HGSNAT: variants seen among roughly 807,000 people sequenced by gnomAD.
The protein encoded by HGSNAT is transmembrane protein 76.
In HGSNAT, 59 loss-of-function variants were observed where a neutral mutation model predicts 85.2. The ratio of observed to expected loss-of-function variants is 0.69; its 90% CI spans 0.56 to 0.86. The LOEUF is 0.86. Ranked by LOEUF, HGSNAT falls within the 40% of genes least tolerant of loss-of-function variation. HGSNAT has a pLI of 0.00. For missense variants in HGSNAT, 756 were observed against 777.1 expected (o/e 0.97, Z 0.32); for synonymous variants, 321 against 304.5 (o/e 1.05, Z -0.56).
rs148467283 is a variant in HGSNAT at position 43,193,812 on chromosome 8, A to G, written c.1433A>G (p.Asn478Ser). ...CCCGAGGGCATCCTGGGCACCATCA[A>G]CTCCATCGTGATGGCCTTTTTAGGA... The part of the protein sequence containing the change: ...YDPEGILGTI[N>S]SIVMAFLGVQ... The change falls in exon 14 of 18, where the codon AAC becomes AGC. Residue 478 changes from asparagine to serine, a missense_variant. Physicochemically the swap from Asn to Ser is conservative, Grantham distance 46. Transcript: ENST00000379644. The G allele has an allele frequency of 2.5e-6, 4 of 1,613,684 alleles. No homozygotes were observed. The highest frequency in any genetic ancestry group is 2.2e-5 in the East Asian group (1 of 44,878).
intron 5 of HGSNAT, among the ~76,000 whole-genome samples, chr8:43,165,044 AT>A (rs1175997527): frequency 0.65 from 46,389 of 71,878 alleles, 15,363 homozygotes; most frequent in Non-Finnish European, 0.74. Flanking sequence ...CACCATGATA[AT>A]TTTTTTTTTT....
In HGSNAT at chr8:43,201,709, C is replaced by T. The variant is rs999507509; in HGVS notation, c.*2140C>T. The T allele has an allele frequency of 2.0e-5, 3 of 152,232 alleles. No homozygotes were observed. Among genetic ancestry groups the T allele is most frequent in the East Asian group, 1.9e-4 (1 of 5,206 alleles). 9.4% of individuals were successfully genotyped at this position (152,232 alleles called of 1,614,324 possible). A position where few individuals can be genotyped will look rare whatever the true frequency, so the allele number is the denominator to read the frequency against. ...TGCATGTGCAATTTCTAATTTCCCA[C>T]GCTAGACTGTGAGCTTCCTAAGGCA... On this transcript the variant is annotated 3_prime_UTR_variant, in exon 18 of 18. Transcript: ENST00000379644. This position sits in a 1 kb window ranked among gnomAD's most constrained non-coding sequence, Gnocchi z 4.4.
intron 11 of HGSNAT, among the ~76,000 whole-genome samples, chr8:43,186,809 C>G (rs200056543): frequency 1.3e-5 from 2 of 152,120 alleles, no homozygotes; most frequent in African/African-American, 2.4e-5. Context: ...ACACACTGCT[C>G]TAAATGTGTC....
At chr8:43,188,863 T>C (rs188150984) in intron 11 of HGSNAT, among the ~76,000 whole-genome samples, 4 of 152,330 alleles carry the variant, frequency 2.6e-5, no homozygotes, top group African/African-American at 4.8e-5. Context: ...TAGTTTTCCT[T>C]CTAACAGTCA....
At chr8:43,144,362 G>C (rs952319962) in intron 1 of HGSNAT, among the ~76,000 whole-genome samples, 1 of 151,624 alleles carries the variant, frequency 6.6e-6, no homozygotes, top group East Asian at 1.9e-4. Flanking sequence ...GGATGTTCCC[G>C]ATCCTGAAGA....
intron 2 of HGSNAT, among the ~76,000 whole-genome samples, chr8:43,153,217 C>T (rs775051033): frequency 5.3e-5 from 8 of 152,028 alleles, no homozygotes; most frequent in East Asian, 3.9e-4. Context: ...ATGTAAGAAC[C>T]TAGAGTATTA....
chr8:43,141,346 G>GCCCCGGA (rs1465465291), intron 1 of HGSNAT, among the ~76,000 whole-genome samples: 12 of 152,162 alleles, frequency 7.9e-5, no homozygotes, highest in Non-Finnish European at 1.5e-4. Context: ...TTTGCCCCGG[G>GCCCCGGA]CCCCGGACCC....
chr8:43,198,007 A>C, intron 17 of HGSNAT, 55 bp downstream of exon 17: 1 of 1,294,618 alleles, frequency 7.7e-7, no homozygotes, highest in East Asian at 2.4e-5. Flanking sequence ...AGGCAGGCCC[A>C]GGGACCTCTG....
chr8:43,195,683 T>TA (rs1804698363), intron 14 of HGSNAT: 1 of 9,594 alleles, frequency 1.0e-4, no homozygotes, highest in Non-Finnish European at 2.2e-4. Context: ...AGGGTGTGGA[T>TA]GAGGAGGAGG....
intron 1 of HGSNAT, among the ~76,000 whole-genome samples, chr8:43,141,670 C>T (rs1406747960): frequency 5.9e-5 from 9 of 152,038 alleles, no homozygotes; most frequent in Non-Finnish European, 1.2e-4. Flanking sequence ...ACGACCCCTC[C>T]TCTCCAAGCA....
chr8:43,143,116 T>A lies in HGSNAT; in HGVS notation c.118+2502T>A, dbSNP rs556181993. Among the ~76,000 whole-genome samples, 5 of 152,352 alleles carry A rather than the reference T, an allele frequency of 3.3e-5. No individual in the cohort carries two copies. The South Asian group carries it at 1.0e-3, about 32-fold the overall frequency. ...AACGATGACAAATTGACAAAGGATT[T>A]AATATTTTTGTCTTTAATGTAGAGA... On this transcript the variant is annotated intron_variant, in intron 1 of 17. Transcript: ENST00000379644.
intron 8 of HGSNAT, among the ~76,000 whole-genome samples, chr8:43,173,470 C>T (rs560941132): frequency 2.0e-4 from 31 of 152,070 alleles, no homozygotes; most frequent in Non-Finnish European, 2.9e-4. Flanking sequence ...CCACCACACC[C>T]GGCTAATTTT....
chr8:43,161,898 C>CAGCT, intron 5 of HGSNAT, among the ~76,000 whole-genome samples: 1 of 152,340 alleles, frequency 6.6e-6, no homozygotes, highest in East Asian at 1.9e-4. Context: ...CCTTCTAGTC[C>CAGCT]AGCTGCCCAA....
intron 5 of HGSNAT, 37 bp downstream of exon 5, chr8:43,161,544 A>C: frequency 6.6e-7 from 1 of 1,516,986 alleles, no homozygotes; most frequent in Non-Finnish European, 9.0e-7. Context: ...GGAAAGGCAG[A>C]GTATAGAAAT....
At chr8:43,141,230 C>G (rs1204418240) in intron 1 of HGSNAT, among the ~76,000 whole-genome samples, 1 of 152,290 alleles carries the variant, frequency 6.6e-6, no homozygotes, top group Admixed American at 6.5e-5. Flanking sequence ...CAGCCCGGTC[C>G]CGGGCGAGCC....
At chr8:43,163,464 CA>C (rs1202118863) in intron 5 of HGSNAT, among the ~76,000 whole-genome samples, 1 of 151,226 alleles carries the variant, frequency 6.6e-6, no homozygotes, top group African/African-American at 2.4e-5. Flanking sequence ...CAAGCATGAA[CA>C]AGAAAATTAA....
chr8:43,179,559 A>G (rs1238802280), intron 10 of HGSNAT, among the ~76,000 whole-genome samples: 17 of 111,454 alleles, frequency 1.5e-4, no homozygotes, highest in African/African-American at 3.0e-4. Flanking sequence ...TCCCTCCCGG[A>G]CGGGGCGGCT....
intron 1 of HGSNAT, among the ~76,000 whole-genome samples, chr8:43,141,179 C>T (rs982867329): frequency 2.0e-5 from 3 of 152,166 alleles, no homozygotes; most frequent in African/African-American, 4.8e-5. Context: ...GGATGTGCGG[C>T]GGGTGAGGAA....
intron 2 of HGSNAT, among the ~76,000 whole-genome samples, chr8:43,157,557 C>T (rs1044901856): frequency 5.9e-5 from 9 of 152,076 alleles, no homozygotes; most frequent in South Asian, 4.2e-4. Context: ...AGGTGCATCA[C>T]CTGAGTTCAG....
Sources: gnomAD v4.1 joint callset for allele counts (sites outside exome capture counted in the v4.1 genomes callset) on GRCh38, gnomAD v4.1.1 for gene constraint, Gnocchi (gnomAD v3.1) non-coding constraint, MANE v1.5 for transcripts, NCBI Gene and HGNC (gene_info 2026-07-23, HGNC 2026-07-21) for gene names.